The following CDH13 variants were observed in gnomAD, a reference collection of about 807,000 sequenced individuals.
The protein encoded by CDH13 is cadherin-13.
Under a neutral mutation model 63.8 loss-of-function variants are expected in CDH13, and 24 were observed. The observed-to-expected ratio is 0.38, with a 90% CI of 0.27 to 0.53. CDH13 has a LOEUF of 0.53. Among genes scored for constraint, CDH13 ranks in the 20% least tolerant of loss-of-function variants. The pLI, the probability that CDH13 is intolerant of heterozygous loss-of-function variation, is 0.85. For missense variants in CDH13, 1,049 were observed against 903.1 expected, an observed-to-expected ratio of 1.16 and a Z score of -2.07; for synonymous variants, 503 against 355.3, an observed-to-expected ratio of 1.42 and a Z score of -4.67.
chr16:83,527,517 G>A (rs143843770), intron 7 of CDH13, among the ~76,000 whole-genome samples: 1 of 152,148 alleles, frequency 6.6e-6, no homozygotes, highest in African/African-American at 2.4e-5. Flanking sequence ...TGCGTTAACC[G>A]CAGCACAGGG....
chr16:83,710,960 G>A (rs1907948420), intron 10 of CDH13, among the ~76,000 whole-genome samples: 1 of 152,178 alleles, frequency 6.6e-6, no homozygotes, highest in Non-Finnish European at 1.5e-5. Flanking sequence ...ATGAATGTTA[G>A]CAAAATTCTA....
chr16:82,836,964 A>T (rs1344711811), intron 1 of CDH13, among the ~76,000 whole-genome samples: 1 of 152,236 alleles, frequency 6.6e-6, no homozygotes, highest in Non-Finnish European at 1.5e-5. Context: ...TCTTTCTTAT[A>T]ACAAAGGCTC....
intron 5 of CDH13, among the ~76,000 whole-genome samples, chr16:83,224,426 C>G (rs1233992551): frequency 1.3e-5 from 2 of 152,210 alleles, no homozygotes; most frequent in Non-Finnish European, 2.9e-5. Context: ...CAGTGAGAAG[C>G]TTAGTTGCCC....
At chr16:83,315,206 C>T (rs769969142) in intron 5 of CDH13, among the ~76,000 whole-genome samples, 52 of 152,184 alleles carry the variant, frequency 3.4e-4, no homozygotes, top group Admixed American at 2.0e-3. Flanking sequence ...ATAAGTATGG[C>T]GTCTTACCAG....
At chr16:82,905,840 T>C (rs779964484) in intron 2 of CDH13, among the ~76,000 whole-genome samples, 3 of 152,202 alleles carry the variant, frequency 2.0e-5, no homozygotes, top group Admixed American at 6.5e-5. Flanking sequence ...CGAGCCACAT[T>C]TCAAATGCTT....
chr16:83,792,650 C>T (rs1432775517), intron 13 of CDH13, among the ~76,000 whole-genome samples: 2 of 152,162 alleles, frequency 1.3e-5, no homozygotes, highest in Non-Finnish European at 2.9e-5. Context: ...ATTATCCAAC[C>T]CCAAATGTCA....
At chr16:83,244,079 C>T (rs529426047) in intron 5 of CDH13, among the ~76,000 whole-genome samples, 13 of 152,008 alleles carry the variant, frequency 8.6e-5, no homozygotes, top group Middle Eastern at 3.4e-3. Context: ...ACATAGGTGT[C>T]GAGCTTTCTG....
intron 1 of CDH13, among the ~76,000 whole-genome samples, chr16:82,746,104 A>C (rs991497109): frequency 2.7e-4 from 41 of 151,652 alleles, no homozygotes; most frequent in African/African-American, 8.2e-4. Flanking sequence ...CTCTCTCTCT[A>C]TATATACATA....
chr16:83,420,665 C>T (rs970984146), intron 6 of CDH13, among the ~76,000 whole-genome samples: 5 of 152,188 alleles, frequency 3.3e-5, no homozygotes, highest in Admixed American at 2.0e-4. Context: ...AGAGATAATT[C>T]ACCCACGTGA....
intron 6 of CDH13, among the ~76,000 whole-genome samples, chr16:83,451,376 T>C (rs1198165393): frequency 1.3e-5 from 2 of 152,114 alleles, no homozygotes; most frequent in Admixed American, 6.5e-5. Flanking sequence ...TTCCCTATCA[T>C]GAGAACAGCA....
chr16:83,300,645 C>T (rs1447538473), intron 5 of CDH13, among the ~76,000 whole-genome samples: 1 of 152,158 alleles, frequency 6.6e-6, no homozygotes, highest in Non-Finnish European at 1.5e-5. Context: ...CCTCCCAGAA[C>T]CTAGTATCTT....
At chr16:82,868,236 G>A (rs138716372) in intron 2 of CDH13, among the ~76,000 whole-genome samples, 2 of 152,214 alleles carry the variant, frequency 1.3e-5, no homozygotes, top group East Asian at 3.9e-4. Flanking sequence ...ACGATACATC[G>A]GGTCAGAATG....
At chr16:83,183,207 G>A (rs1400870750) in intron 4 of CDH13, among the ~76,000 whole-genome samples, 1 of 152,180 alleles carries the variant, frequency 6.6e-6, no homozygotes, top group African/African-American at 2.4e-5. Flanking sequence ...GTTTGAGTGG[G>A]AAGTGCTTTA....
chr16:82,877,796 A>AT (rs76873049), intron 2 of CDH13, among the ~76,000 whole-genome samples: 167 of 138,012 alleles, frequency 1.2e-3, no homozygotes, highest in Admixed American at 2.5e-3. Context: ...ACCTCTATTC[A>AT]TTTTTTTTTT....
chr16:82,705,928 T>A (rs1201878981), intron 1 of CDH13, among the ~76,000 whole-genome samples: 2 of 152,112 alleles, frequency 1.3e-5, no homozygotes, highest in Non-Finnish European at 2.9e-5. Context: ...TCAGTGGTGT[T>A]TTCCTTCGTG....
At chr16:82,926,295 AAG>A (rs1491347816) in intron 2 of CDH13, among the ~76,000 whole-genome samples, 13 of 152,132 alleles carry the variant, frequency 8.5e-5, no homozygotes, top group Admixed American at 7.2e-4. Context: ...AAAAAAAAAA[AAG>A]AAAAAAAAAG....
intron 1 of CDH13, chr16:82,826,797 T>C (rs1025284745): frequency 3.3e-5 from 5 of 152,202 alleles, no homozygotes; most frequent in African/African-American, 4.8e-5. Context: ...TTTAGAGATA[T>C]TGAGCATAGA....
At chr16:82,968,964 A>G (rs1178062031) in intron 2 of CDH13, among the ~76,000 whole-genome samples, 2 of 152,136 alleles carry the variant, frequency 1.3e-5, no homozygotes, top group East Asian at 3.9e-4. Context: ...TACAAAATAT[A>G]CAAAAATTAG....
intron 6 of CDH13, among the ~76,000 whole-genome samples, chr16:83,370,344 C>T (rs1325893894): frequency 3.3e-5 from 5 of 149,984 alleles, no homozygotes; most frequent in Non-Finnish European, 5.9e-5. Flanking sequence ...GCCAAGGCTG[C>T]GCCACTGCAC....
Sources: gnomAD v4.1 joint callset for allele counts (sites outside exome capture counted in the v4.1 genomes callset) on GRCh38, gnomAD v4.1.1 for gene constraint, MANE v1.5 for transcripts, NCBI Gene and HGNC (gene_info 2026-07-23, HGNC 2026-07-21) for gene names.